The following TGFBR3 variants were observed in gnomAD, a reference collection of about 807,000 sequenced individuals.
The protein encoded by TGFBR3 is transforming growth factor beta receptor type 3.
In TGFBR3, 46 loss-of-function variants were observed where a neutral mutation model predicts 87.9. The ratio of observed to expected loss-of-function variants is 0.52; its 90% CI spans 0.41 to 0.67. TGFBR3 has a LOEUF of 0.67. TGFBR3 is among the 30% of genes least tolerant of loss of function. The probability of loss-of-function intolerance (pLI) is 0.00; values close to 1 mark genes in which losing one functional copy is unlikely to be tolerated. For synonymous variants in TGFBR3, 381 were observed against 391.6 expected (o/e 0.97, Z 0.32); for missense variants, 866 against 1,041.9 (o/e 0.83, Z 2.32).
rs1384853066 is a variant in TGFBR3 at position 91,695,697 on chromosome 1, G to A, written c.2412C>T (p.Ala804=). ...CTGTGTGAGAATAGATGTACCACAAGGCCCCCGTCAGGAGTGCTCCGATCA... is the reference window on the plus strand; with the variant it reads ...CTGTGTGAGAATAGATGTACCACAAAGCCCCCGTCAGGAGTGCTCCGATCA... The part of the protein sequence containing the change: ...AFVIGALLTG[A]LWYIYSHTGE... The change falls in exon 16 of 17, where the codon GCC becomes GCT. Residue 804 remains alanine (A), a synonymous_variant. Transcript: ENST00000212355. The A allele has an allele frequency of 2.9e-5, 47 of 1,613,998 alleles. No individual in the cohort carries two copies. In the East Asian group the frequency reaches 1.0e-3, roughly 36 times the overall value.
chr1:91,716,393 A>G lies in TGFBR3; in HGVS notation c.1709T>C (p.Phe570Ser). 1 of 1,614,168 alleles carries G rather than the reference A, an allele frequency of 6.2e-7. No individual in the cohort carries two copies. The highest frequency in any genetic ancestry group is 8.5e-7 in the Non-Finnish European group (1 of 1,180,016). The change falls in exon 12 of 17, where the codon TTT becomes TCT. Residue 570 changes from phenylalanine (F) to serine (S), a missense_variant and splice_region_variant. Transcript: ENST00000212355. ...SLFTRPEIVV[F>S]NCSLQQVRNP... is the part of the protein sequence containing the mutation. ...CCTCACCTGCTGAAGGCTGCAATTA[A>G]ACTGGAAATAACAACCCACAGGAAG... is the stretch of plus-strand genomic sequence containing the variant.
rs555224815 is a variant in TGFBR3 at position 91,859,433 on chromosome 1, TG to T, written c.61+2037del. ...TCTCTTTTTTTTTGGGAGGTGGGGGTGGGGGGGTGCATTTCTACTACTTTTC... is the reference window on the plus strand; with the variant it reads ...TCTCTTTTTTTTTGGGAGGTGGGGGTGGGGGGTGCATTTCTACTACTTTTC... On this transcript the variant is annotated intron_variant, in intron 2 of 16. Coordinates refer to ENST00000212355, the MANE Select transcript of TGFBR3 (RefSeq NM_003243.5). 8.4e-3 allele frequency among the ~76,000 whole-genome samples: 710 copies of T among 84,752 alleles called. 6 individuals carry two copies. The highest frequency in any genetic ancestry group is 0.031 in the African/African-American group (680 of 22,266). 55.6% of individuals were successfully genotyped at this position (84,752 alleles called of 152,430 possible).
At chr1:91,759,301 A>G (rs1336971768) in intron 3 of TGFBR3, among the ~76,000 whole-genome samples, 1 of 150,076 alleles carries the variant, frequency 6.7e-6, no homozygotes, top group Non-Finnish European at 1.5e-5. Flanking sequence ...TCATTGTCTC[A>G]GCTTTTAGCT....
Position 91,683,436 on chromosome 1 carries a change from C to G in TGFBR3, c.*303G>C, listed in dbSNP as rs954449737. The G allele has an allele frequency of 5.0e-6, 3 of 600,566 alleles. No individual in the cohort carries two copies. The highest frequency in any genetic ancestry group is 9.3e-6 in the Non-Finnish European group (3 of 321,910). 37.2% of individuals were successfully genotyped at this position (600,566 alleles called of 1,614,324 possible). On this transcript the variant is annotated 3_prime_UTR_variant, in exon 17 of 17. Transcript: ENST00000212355. ...CCTGGACAAAGCAGCATTTTAAAAA[C>G]TGGCATGTGTTTCACATTGAAAACC...
Position 91,853,142 on chromosome 1 carries a change from G to A in TGFBR3, c.61+8329C>T, listed in dbSNP as rs565127964. ...CCACTGCACTCCAGCCCAGGCAACA[G>A]AGTGAGACCCTGTCTCAAAAAAACA... is the stretch of plus-strand genomic sequence containing the variant. On this transcript the variant is annotated intron_variant, in intron 2 of 16. Transcript: ENST00000212355. 2.4e-4 allele frequency among the ~76,000 whole-genome samples: 36 copies of A among 151,470 alleles called. No individual in the cohort carries two copies. In the South Asian group the frequency reaches 7.4e-3, roughly 31 times the overall value.
chr1:91,829,313 T>A (rs1375189145), intron 2 of TGFBR3, among the ~76,000 whole-genome samples: 2 of 151,490 alleles, frequency 1.3e-5, no homozygotes, highest in African/African-American at 4.9e-5. Flanking sequence ...GAGGCAGAGG[T>A]TGCAGTGAGC....
At chr1:91,753,102 C>T (rs964604328) in intron 4 of TGFBR3, among the ~76,000 whole-genome samples, 2 of 151,368 alleles carry the variant, frequency 1.3e-5, no homozygotes, top group African/African-American at 4.8e-5. Flanking sequence ...AAACCTAGTC[C>T]CTGCCCAGCA....
chr1:91,688,865 AAG>A (rs1159060292), intron 16 of TGFBR3, among the ~76,000 whole-genome samples: 1 of 152,018 alleles, frequency 6.6e-6, no homozygotes, highest in East Asian at 1.9e-4. Flanking sequence ...GCCCGATGAA[AAG>A]AGAAACAGCA....
chr1:91,740,891 A>G (rs1673137624), intron 4 of TGFBR3, among the ~76,000 whole-genome samples: 1 of 152,200 alleles, frequency 6.6e-6, no homozygotes, highest in Non-Finnish European at 1.5e-5. Context: ...AGGGAAAATA[A>G]TTTTGTCTAA....
chr1:91,891,636 C>T (rs1679450538), intron 2 of TGFBR3, among the ~76,000 whole-genome samples: 1 of 152,218 alleles, frequency 6.6e-6, no homozygotes, highest in African/African-American at 2.4e-5. Flanking sequence ...CTAATACAGC[C>T]AACAGCTTGG....
At chr1:91,743,070 G>GGTT (rs1673210837) in intron 4 of TGFBR3, among the ~76,000 whole-genome samples, 1 of 152,080 alleles carries the variant, frequency 6.6e-6, no homozygotes, top group Admixed American at 6.5e-5. Flanking sequence ...GCGGATCCAC[G>GGTT]GAAGCCTCAA....
At chr1:91,818,907 AT>A (rs1279637715) in intron 2 of TGFBR3, among the ~76,000 whole-genome samples, 1 of 152,130 alleles carries the variant, frequency 6.6e-6, no homozygotes, top group Non-Finnish European at 1.5e-5. Flanking sequence ...AATACACTTG[AT>A]AACTTATTTT....
intron 1 of TGFBR3, among the ~76,000 whole-genome samples, chr1:91,904,999 C>T (rs1679815098): frequency 6.6e-6 from 1 of 152,150 alleles, no homozygotes; most frequent in Admixed American, 6.5e-5. Flanking sequence ...CATGCCTGGC[C>T]AGATTCTTTA....
At chr1:91,842,278 T>G (rs1337042872) in intron 2 of TGFBR3, among the ~76,000 whole-genome samples, 1 of 152,098 alleles carries the variant, frequency 6.6e-6, no homozygotes, top group African/African-American at 2.4e-5. Context: ...CAGAGCAAGA[T>G]AAGAAGGAAT....
chr1:91,836,562 G>A (rs934602292), intron 2 of TGFBR3, among the ~76,000 whole-genome samples: 2 of 152,098 alleles, frequency 1.3e-5, no homozygotes, highest in African/African-American at 4.8e-5. Flanking sequence ...CTGGCAGTGA[G>A]GAGCATTTTC....
At chr1:91,787,977 C>A (rs1675034310) in intron 3 of TGFBR3, among the ~76,000 whole-genome samples, 1 of 148,684 alleles carries the variant, frequency 6.7e-6, no homozygotes, top group Non-Finnish European at 1.5e-5. Flanking sequence ...AAAGAGTGAG[C>A]AGCTGAGAAA....
At chr1:91,812,318 T>C (rs754317142) in intron 2 of TGFBR3, among the ~76,000 whole-genome samples, 6 of 152,190 alleles carry the variant, frequency 3.9e-5, no homozygotes, top group Non-Finnish European at 7.3e-5. Flanking sequence ...TTATTCAACA[T>C]TGACTGGCAA....
chr1:91,783,693 C>T lies in TGFBR3; in HGVS notation c.246+13594G>A, dbSNP rs116690856. On this transcript the variant is annotated intron_variant, in intron 3 of 16. Coordinates refer to ENST00000212355, the MANE Select transcript of TGFBR3 (RefSeq NM_003243.5). Reference sequence around the variant, plus strand: ...CTTTTGAGCTGACTTAGAAAACAAGCTACAAAGACTTGAGTCCAGAGTAAA... The same window carrying T: ...CTTTTGAGCTGACTTAGAAAACAAGTTACAAAGACTTGAGTCCAGAGTAAA... Among the ~76,000 whole-genome samples the T allele has an allele frequency of 9.0e-3, 1,371 of 152,208 alleles. 21 individuals carry two copies. Among genetic ancestry groups the T allele is most frequent in the African/African-American group, 0.031 (1,279 of 41,524 alleles).
chr1:91,700,963 A>C (rs529784407), intron 14 of TGFBR3, among the ~76,000 whole-genome samples: 1 of 152,310 alleles, frequency 6.6e-6, no homozygotes, highest in South Asian at 2.1e-4. Context: ...TGTAAGAAAT[A>C]TACACACTTC....
Sources: gnomAD v4.1 joint callset for allele counts (sites outside exome capture counted in the v4.1 genomes callset) on GRCh38, gnomAD v4.1.1 for gene constraint, MANE v1.5 for transcripts, NCBI Gene and HGNC (gene_info 2026-07-23, HGNC 2026-07-21) for gene names.